Variants in ERC2 observed in about 807,000 individuals in gnomAD.
The protein encoded by ERC2 is ELKS/RAB6-interacting/CAST family member 2.
A neutral mutation model predicts 114.8 loss-of-function variants in ERC2; 42 were observed. That is an observed-to-expected ratio of 0.37 (90% CI 0.29 to 0.47). ERC2 has a LOEUF of 0.47. Among genes scored for constraint, ERC2 ranks in the 20% least tolerant of loss-of-function variants. ERC2 has a pLI of 0.99. For missense variants in ERC2, 939 were observed against 1,150.7 expected (o/e 0.82, Z 2.66); for synonymous variants, 454 against 425.5 (o/e 1.07, Z -0.82).
chr3:55,744,070 A>G (rs988163031), intron 14 of ERC2, among the ~76,000 whole-genome samples: 1 of 152,238 alleles, frequency 6.6e-6, no homozygotes, highest in Non-Finnish European at 1.5e-5. Context: ...TCTGCAACCA[A>G]TCAGACTGAT....
At chr3:55,829,694 A>T (rs1393243316) in intron 14 of ERC2, among the ~76,000 whole-genome samples, 1 of 152,028 alleles carries the variant, frequency 6.6e-6, no homozygotes, top group Admixed American at 6.6e-5. Context: ...GCTTTTTAAA[A>T]TTTTTTGTAA....
intron 17 of ERC2, among the ~76,000 whole-genome samples, chr3:55,633,754 A>C (rs1481284907): frequency 3.3e-5 from 5 of 152,238 alleles, no homozygotes; most frequent in South Asian, 2.1e-4. Flanking sequence ...GTCCAGGAAG[A>C]GTGAATATAT....
At chr3:56,308,212 GCAGATA>G (rs1422804968) in intron 2 of ERC2, among the ~76,000 whole-genome samples, 1 of 152,142 alleles carries the variant, frequency 6.6e-6, no homozygotes, top group African/African-American at 2.4e-5. Flanking sequence ...CACATCATTA[GCAGATA>G]CAGGCCAGTG....
intron 10 of ERC2, among the ~76,000 whole-genome samples, chr3:56,005,262 T>C (rs1029642569): frequency 2.0e-5 from 3 of 152,062 alleles, no homozygotes; most frequent in African/African-American, 7.2e-5. Flanking sequence ...ACCATATTTG[T>C]TACTTTAATT....
intron 15 of ERC2, among the ~76,000 whole-genome samples, chr3:55,723,108 A>T (rs2064682138): frequency 6.6e-6 from 1 of 152,230 alleles, no homozygotes; most frequent in South Asian, 2.1e-4. Context: ...TGACTGCAAA[A>T]TGATGGAAAT....
At chr3:56,036,730 A>C (rs9862661) in intron 7 of ERC2, among the ~76,000 whole-genome samples, 41,840 of 152,076 alleles carry the variant, frequency 0.28, 6,330 homozygotes, top group Admixed American at 0.34. Context: ...CCTGCTCGGG[A>C]AACCACGCTT....
chr3:55,979,699 A>G (rs957848702), intron 12 of ERC2, among the ~76,000 whole-genome samples: 2 of 151,900 alleles, frequency 1.3e-5, no homozygotes, highest in Non-Finnish European at 1.5e-5. Flanking sequence ...CATGAGTCTC[A>G]CTGTTCTTGG....
chr3:55,990,051 T>G (rs1300604502), intron 11 of ERC2, among the ~76,000 whole-genome samples: 1 of 152,164 alleles, frequency 6.6e-6, no homozygotes, highest in East Asian at 1.9e-4. Context: ...GACATGATCA[T>G]AACTTTCCTG....
At chr3:55,845,491 G>A (rs568494195) in intron 14 of ERC2, among the ~76,000 whole-genome samples, 21 of 115,002 alleles carry the variant, frequency 1.8e-4, no homozygotes, top group South Asian at 1.4e-3. Flanking sequence ...GCGACAGAGC[G>A]AGACTCCGTC....
chr3:55,834,716 C>T (rs921991701), intron 14 of ERC2, among the ~76,000 whole-genome samples: 4 of 143,360 alleles, frequency 2.8e-5, no homozygotes, highest in African/African-American at 1.1e-4. Flanking sequence ...AAAGCAAGAG[C>T]AAACACATTC....
intron 13 of ERC2, among the ~76,000 whole-genome samples, chr3:55,895,694 C>T (rs80119508): frequency 0.043 from 6,578 of 152,254 alleles, 197 homozygotes; most frequent in South Asian, 0.094. Flanking sequence ...TATCCACACT[C>T]AATAAATACC....
intron 15 of ERC2, among the ~76,000 whole-genome samples, chr3:55,724,861 ACT>A (rs573675066): frequency 4.0e-4 from 61 of 152,220 alleles, no homozygotes; most frequent in African/African-American, 1.4e-3. Context: ...TCCTGTACAC[ACT>A]CTACTTTGGT....
intron 14 of ERC2, among the ~76,000 whole-genome samples, chr3:55,861,028 G>A (rs2062005006): frequency 6.6e-6 from 1 of 152,176 alleles, no homozygotes; most frequent in Non-Finnish European, 1.5e-5. Context: ...TAGAAAGGTA[G>A]GGGTTTGCTG....
intron 2 of ERC2, among the ~76,000 whole-genome samples, chr3:56,335,242 C>T (rs779175227): frequency 5.9e-5 from 9 of 152,178 alleles, no homozygotes; most frequent in Admixed American, 3.3e-4. Flanking sequence ...AACTATATGA[C>T]GTAAGACACT....
intron 14 of ERC2, among the ~76,000 whole-genome samples, chr3:55,879,079 C>A (rs375840683): frequency 1.2e-5 from 1 of 83,188 alleles, no homozygotes; most frequent in Non-Finnish European, 2.3e-5. Context: ...TTTTTCTTTT[C>A]TTTTTTTTTC....
chr3:56,327,859 G>A (rs2057435775), intron 2 of ERC2, among the ~76,000 whole-genome samples: 1 of 152,190 alleles, frequency 6.6e-6, no homozygotes, highest in African/African-American at 2.4e-5. Context: ...TCAGGTCCAA[G>A]AGAGCCAAAC....
intron 17 of ERC2, chr3:55,613,237 TTTTACAAGCAA>T (rs2058979951): frequency 6.6e-6 from 1 of 152,186 alleles, no homozygotes; most frequent in Non-Finnish European, 1.5e-5. Flanking sequence ...CCAATTGCTG[TTTTACAAGCAA>T]GCCTGGGACC....
At chr3:55,697,387 GC>G (rs1332166568) in intron 16 of ERC2, among the ~76,000 whole-genome samples, 1 of 152,068 alleles carries the variant, frequency 6.6e-6, no homozygotes, top group East Asian at 1.9e-4. Flanking sequence ...AGAAACATGT[GC>G]CAAAGGTCTC....
At chr3:55,883,764 T>C (rs985426719) in intron 14 of ERC2, among the ~76,000 whole-genome samples, 1 of 151,970 alleles carries the variant, frequency 6.6e-6, no homozygotes, top group African/African-American at 2.4e-5. Context: ...GGTGGGTGCC[T>C]GTAGTCCCAG....
Sources: gnomAD v4.1 joint callset for allele counts (sites outside exome capture counted in the v4.1 genomes callset) on GRCh38, gnomAD v4.1.1 for gene constraint, MANE v1.5 for transcripts, NCBI Gene and HGNC (gene_info 2026-07-23, HGNC 2026-07-21) for gene names.